ANKRD11: variants seen among roughly 807,000 people sequenced by gnomAD.
The protein encoded by ANKRD11 is ankyrin repeat domain-containing protein 11.
Under a neutral mutation model 195.7 loss-of-function variants are expected in ANKRD11, and 17 were observed. The ratio of observed to expected loss-of-function variants is 0.09; its 90% CI spans 0.06 to 0.13. The LOEUF is 0.13. ANKRD11 is among the 10% of genes least tolerant of loss of function. The probability of loss-of-function intolerance (pLI) is 1.00; values close to 1 mark genes in which losing one functional copy is unlikely to be tolerated. For missense variants in ANKRD11, 3,735 were observed against 3,566.1 expected (o/e 1.05, Z -1.21); for synonymous variants, 1,953 against 1,528.1 (o/e 1.28, Z -6.49).
At chr16:89,456,103 G>A (rs905421641) in intron 1 of ANKRD11, among the ~76,000 whole-genome samples, 5 of 152,064 alleles carry the variant, frequency 3.3e-5, no homozygotes, top group African/African-American at 1.2e-4. Flanking sequence ...AGTCTGGTGT[G>A]GTGGCGTGCA....
intron 2 of ANKRD11, among the ~76,000 whole-genome samples, chr16:89,349,154 A>AAAAAAAAAAAAAAAAGAAAAAAG: frequency 6.8e-6 from 1 of 146,618 alleles, no homozygotes; most frequent in Non-Finnish European, 1.5e-5. Flanking sequence ...AAAAAAAAAA[A>AAAAAAAAAAAAAAAAGAAAAAAG]AAAAAAAGAA....
intron 2 of ANKRD11, among the ~76,000 whole-genome samples, chr16:89,357,400 A>G (rs2039533199): frequency 6.6e-6 from 1 of 152,128 alleles, no homozygotes; most frequent in Non-Finnish European, 1.5e-5. Context: ...AGAAACAGGA[A>G]TCCTCGTGCA....
chr16:89,286,004 TA>T, intron 8 of ANKRD11, 34 bp downstream of exon 8: 1 of 1,613,942 alleles, frequency 6.2e-7, no homozygotes, highest in Non-Finnish European at 8.5e-7. Context: ...CATCCCTGCA[TA>T]AAAGAACAGG....
chr16:89,400,032 C>A (rs28431356), intron 2 of ANKRD11, among the ~76,000 whole-genome samples: 11 of 82,284 alleles, frequency 1.3e-4, no homozygotes, highest in South Asian at 8.6e-4. Flanking sequence ...CGCTGGAGGC[C>A]GGTCATCTGC....
chr16:89,309,228 G>A (rs1042320862), intron 3 of ANKRD11, among the ~76,000 whole-genome samples: 3 of 152,112 alleles, frequency 2.0e-5, no homozygotes, highest in African/African-American at 7.2e-5. Flanking sequence ...ACAAATGCTG[G>A]GCATGGCCAC....
chr16:89,312,099 T>C (rs975239403), intron 3 of ANKRD11, among the ~76,000 whole-genome samples: 3 of 152,200 alleles, frequency 2.0e-5, no homozygotes, highest in African/African-American at 7.2e-5. Flanking sequence ...GGTTTTGCCA[T>C]GTTGGCCAGG....
Position 89,291,227 on chromosome 16 carries a change from A to G in ANKRD11, c.227-44T>C. On this transcript the variant is annotated intron_variant, in intron 4 of 12. Coordinates refer to ENST00000301030, the MANE Select transcript of ANKRD11 (RefSeq NM_013275.6). This position sits in a 1 kb window ranked among gnomAD's most constrained non-coding sequence, Gnocchi z 5.3. ...AGAGAGGGAGGAGAGATTTCATGCCATGGTGTCCTCCAAAGCTAGGTCCTT... is the reference window on the plus strand; with the variant it reads ...AGAGAGGGAGGAGAGATTTCATGCCGTGGTGTCCTCCAAAGCTAGGTCCTT... 1.9e-6 allele frequency: 3 copies of G among 1,607,870 alleles called. No individual in the cohort carries two copies. Among genetic ancestry groups the G allele is most frequent in the Non-Finnish European group, 2.5e-6 (3 of 1,179,392 alleles).
At chr16:89,287,130 G>C in intron 7 of ANKRD11, 1 of 1,289,174 alleles carries the variant, frequency 7.8e-7, no homozygotes, top group African/African-American at 1.5e-5. Flanking sequence ...GCAGAATTCA[G>C]TTTCTTGCAG....
chr16:89,346,855 G>C lies in ANKRD11; in HGVS notation c.-59-29777C>G, dbSNP rs191846851. Among the ~76,000 whole-genome samples, 365 of 152,232 alleles carry C rather than the reference G, an allele frequency of 2.4e-3. 1 individual carries two copies. The highest frequency in any genetic ancestry group is 4.6e-3 in the Non-Finnish European group (316 of 68,000). ...ACATGAGAAATGTACAAACATAAACGAAACAAAAAGCAAACATGTAACAGA... is the reference window on the plus strand; with the variant it reads ...ACATGAGAAATGTACAAACATAAACCAAACAAAAAGCAAACATGTAACAGA... On this transcript the variant is annotated intron_variant, in intron 2 of 12. Transcript: ENST00000301030.
chr16:89,436,212 C>T (rs759627748), intron 1 of ANKRD11, among the ~76,000 whole-genome samples: 4 of 152,202 alleles, frequency 2.6e-5, no homozygotes, highest in Non-Finnish European at 4.4e-5. Context: ...GTCAGGAGTT[C>T]GAGACCAGCC....
chr16:89,434,205 C>T (rs2043116267), intron 1 of ANKRD11, among the ~76,000 whole-genome samples: 1 of 152,204 alleles, frequency 6.6e-6, no homozygotes, highest in Non-Finnish European at 1.5e-5. Flanking sequence ...TACACACACT[C>T]ACCTCCTCAA....
chr16:89,387,106 C>A (rs1025907809), intron 2 of ANKRD11, among the ~76,000 whole-genome samples: 4 of 152,074 alleles, frequency 2.6e-5, no homozygotes, highest in African/African-American at 9.7e-5. Context: ...AGGTGTCTGC[C>A]CTGCCAAGAG....
chr16:89,391,724 C>T (rs2041208706), intron 2 of ANKRD11, among the ~76,000 whole-genome samples: 1 of 152,210 alleles, frequency 6.6e-6, no homozygotes, highest in Admixed American at 6.5e-5. Flanking sequence ...AGTAAGCACA[C>T]TTGTAAGAAG....
intron 2 of ANKRD11, among the ~76,000 whole-genome samples, chr16:89,334,144 T>TAAAAAAAA (rs869142504): frequency 0.011 from 443 of 41,398 alleles, 80 homozygotes; most frequent in African/African-American, 0.039. Flanking sequence ...CCCTGTGTTT[T>TAAAAAAAA]AAAAAAAAAA....
chr16:89,352,030 C>A (rs756651357), intron 2 of ANKRD11, among the ~76,000 whole-genome samples: 4 of 152,118 alleles, frequency 2.6e-5, no homozygotes, highest in Non-Finnish European at 5.9e-5. Flanking sequence ...CACGCCTCCG[C>A]TGAAATGACA....
chr16:89,313,303 G>A, intron 3 of ANKRD11: 2 of 1,286,744 alleles, frequency 1.6e-6, no homozygotes, highest in South Asian at 1.2e-5. Flanking sequence ...ACTGTTCTCT[G>A]TAGCCCTGCA....
chr16:89,305,091 G>A (rs1191324596), intron 4 of ANKRD11, 115 bp downstream of exon 4: 8 of 1,479,194 alleles, frequency 5.4e-6, no homozygotes, highest in South Asian at 5.1e-5. Context: ...GGCGTGCAGG[G>A]TGCTAGAGTG....
intron 2 of ANKRD11, among the ~76,000 whole-genome samples, chr16:89,369,273 T>C (rs1022293233): frequency 2.6e-5 from 4 of 152,058 alleles, no homozygotes; most frequent in South Asian, 2.1e-4. Context: ...GCCCGAGAAA[T>C]GCCCACACGT....
chr16:89,297,058 C>G (rs1339694057), intron 4 of ANKRD11, among the ~76,000 whole-genome samples: 1 of 152,064 alleles, frequency 6.6e-6, no homozygotes, highest in African/African-American at 2.4e-5. Context: ...CTCTACCTCC[C>G]TGGGAGGTCT....
Sources: gnomAD v4.1 joint callset for allele counts (sites outside exome capture counted in the v4.1 genomes callset) on GRCh38, gnomAD v4.1.1 for gene constraint, Gnocchi (gnomAD v3.1) non-coding constraint, MANE v1.5 for transcripts, NCBI Gene and HGNC (gene_info 2026-07-23, HGNC 2026-07-21) for gene names.